Variants in PHF20L1 observed in about 807,000 individuals in gnomAD.
PHF20L1 encodes PHD finger protein 20-like protein 1.
Under a neutral mutation model 125.5 loss-of-function variants are expected in PHF20L1, and 44 were observed. The ratio of observed to expected loss-of-function variants is 0.35; its 90% confidence interval spans 0.28 to 0.45. The LOEUF (loss-of-function observed/expected upper bound fraction) is 0.45, where lower values mean the gene tolerates loss of function less well. Among genes scored for constraint, PHF20L1 ranks in the 20% least tolerant of loss-of-function variants. PHF20L1 has a pLI of 1.00. For missense variants in PHF20L1, 1,012 were observed against 1,217.2 expected, an observed-to-expected ratio of 0.83 and a Z score of 2.51; for synonymous variants, 380 against 403.1, an observed-to-expected ratio of 0.94 and a Z score of 0.69.
chr8:132,843,456 C>G, intron 19 of PHF20L1: 1 of 978,844 alleles, frequency 1.0e-6, no homozygotes, highest in Non-Finnish European at 1.2e-6. Context: ...TGTTTTTTTT[C>G]TGCATTCCTT....
chr8:132,817,273 C>A, intron 11 of PHF20L1, 66 bp from the exon 12 acceptor site: 1 of 1,319,028 alleles, frequency 7.6e-7, no homozygotes, highest in Non-Finnish European at 1.1e-6. Flanking sequence ...CACTTTAATT[C>A]ACAGTGATAG....
rs1838064412 is a variant in PHF20L1, at chr8:132,842,794, T to C, written c.2667T>C (p.Ser889=). 6.2e-7 allele frequency: 1 copy of C among 1,612,990 alleles called. No individual in the cohort carries two copies. Among genetic ancestry groups the C allele is most frequent in the African/African-American group, 1.3e-5 (1 of 74,824 alleles). The change falls in exon 19 of 21, where the codon AGT becomes AGC. Residue 889 remains serine, a synonymous_variant. Coordinates refer to ENST00000395386, the MANE Select transcript of PHF20L1 (RefSeq NM_016018.5). Reference sequence around the variant, plus strand: ...GCTCAGATGATGATGATGTTAGTAGTTTGGAAGAAGAACAAGAATTCCACA... The same window carrying C: ...GCTCAGATGATGATGATGTTAGTAGCTTGGAAGAAGAACAAGAATTCCACA... The part of the protein sequence containing the change: ...PGSSDDDDVS[S]LEEEQEFHMR...
At chr8:132,817,572 A>G (rs777545703) in intron 12 of PHF20L1, 27 bp downstream of exon 12, 28 of 1,468,658 alleles carry the variant, frequency 1.9e-5, no homozygotes, top group African/African-American at 2.8e-5. Flanking sequence ...AAAGGCTCCT[A>G]TAAGTAGATA....
intron 15 of PHF20L1, among the ~76,000 whole-genome samples, chr8:132,835,665 G>A (rs551683414): frequency 9.1e-4 from 138 of 152,184 alleles, no homozygotes; most frequent in African/African-American, 3.1e-3. Flanking sequence ...TTACCAAGAC[G>A]AAATTAATAC....
chr8:132,842,958 C>G (rs1838079432), intron 19 of PHF20L1, 83 bp downstream of exon 19: 1 of 1,471,870 alleles, frequency 6.8e-7, no homozygotes, highest in Non-Finnish European at 9.1e-7. Flanking sequence ...ATACTGAATT[C>G]CCAGATTTTA....
chr8:132,848,642 T>C lies in PHF20L1; in HGVS notation c.*2719T>C, dbSNP rs1385626961. 1 of 152,414 alleles carries C rather than the reference T, an allele frequency of 6.6e-6. No individual in the cohort carries two copies. The highest frequency in any genetic ancestry group is 1.5e-5 in the Non-Finnish European group (1 of 67,918). The allele number at this position is 152,414 out of a possible 1,614,324, so 9.4% of individuals were successfully genotyped here. A position where few individuals can be genotyped will look rare whatever the true frequency, so the allele number is the denominator to read the frequency against. ...ACTGACTTATTTCCAAACTTAAGAG[T>C]AATGTACTTCGAAAACAACTTGGTT... On this transcript the variant is annotated 3_prime_UTR_variant, in exon 21 of 21. Transcript: ENST00000395386.
chr8:132,844,242 C>T lies in PHF20L1; in HGVS notation c.2835C>T (p.Leu945=). Residue 945 remains leucine (L), a synonymous_variant, in exon 20 of 21, where the codon CTC becomes CTT. Transcript: ENST00000395386. ...GAGACTCACATCTTCAGTGGCAGCT[C>T]AATCTCCTTACACACATAGAAAATG... The part of the protein sequence containing the change: ...DPGDSHLQWQ[L]NLLTHIENVQ... The T allele has an allele frequency of 6.2e-7, 1 of 1,612,824 alleles. No individual in the cohort carries two copies. The highest frequency in any genetic ancestry group is 8.5e-7 in the Non-Finnish European group (1 of 1,179,084).
intron 2 of PHF20L1, among the ~76,000 whole-genome samples, chr8:132,783,175 C>A (rs558519814): frequency 1.3e-5 from 2 of 152,132 alleles, no homozygotes; most frequent in South Asian, 4.1e-4. Flanking sequence ...GAGATATGCT[C>A]CTCTGACTCT....
At chr8:132,836,427 C>A in intron 15 of PHF20L1, 113 bp from the exon 16 acceptor site, 1 of 675,436 alleles carries the variant, frequency 1.5e-6, no homozygotes, top group East Asian at 2.7e-5. Context: ...TGTTTGCTCC[C>A]CCTTTTTAAA....
chr8:132,829,122 C>T (rs189705618), intron 14 of PHF20L1, among the ~76,000 whole-genome samples: 24 of 152,006 alleles, frequency 1.6e-4, no homozygotes, highest in African/African-American at 4.8e-4. Flanking sequence ...AGACAGGGTG[C>T]GGAATGCCAA....
chr8:132,804,593 A>G lies in PHF20L1; in HGVS notation c.722-22A>G, dbSNP rs748729501. 3.4e-5 allele frequency: 54 copies of G among 1,578,594 alleles called. No homozygotes were observed. The Admixed American group carries it at 3.5e-4, about 10-fold the overall frequency. On this transcript the variant is annotated intron_variant, in intron 7 of 20. Transcript: ENST00000395386. Reference sequence around the variant, plus strand: ...ATTTGGATTCTAGATAAACTCTCATATATGTGTTCTGTTGAAAGTAGGACT... The same window carrying G: ...ATTTGGATTCTAGATAAACTCTCATGTATGTGTTCTGTTGAAAGTAGGACT...
At chr8:132,842,458 C>T (rs1838027156) in intron 18 of PHF20L1, 57 bp from the exon 19 acceptor site, 3 of 1,455,970 alleles carry the variant, frequency 2.1e-6, no homozygotes, top group Admixed American at 2.3e-5. Context: ...TTGTATTCAG[C>T]TTGTTAATAG....
At chr8:132,802,260 G>A (rs142997905) in intron 6 of PHF20L1, among the ~76,000 whole-genome samples, 41 of 150,222 alleles carry the variant, frequency 2.7e-4, no homozygotes, top group African/African-American at 1.0e-3. Flanking sequence ...ACCTTTCATC[G>A]CTCTTTCACT....
intron 2 of PHF20L1, among the ~76,000 whole-genome samples, chr8:132,787,431 C>T (rs1443679676): frequency 6.6e-6 from 1 of 152,040 alleles, no homozygotes; most frequent in South Asian, 2.1e-4. Context: ...ACTGTCAGCT[C>T]ATGCCAGATG....
At chr8:132,797,314 G>A (rs1266155688) in intron 4 of PHF20L1, among the ~76,000 whole-genome samples, 1 of 151,960 alleles carries the variant, frequency 6.6e-6, no homozygotes, top group Admixed American at 6.6e-5. Context: ...GAACATTTAG[G>A]CATTTGTAAT....
At chr8:132,843,931 G>T in intron 19 of PHF20L1, 4 of 985,168 alleles carry the variant, frequency 4.1e-6, no homozygotes, top group Non-Finnish European at 4.8e-6. Flanking sequence ...TCTTGCCTGT[G>T]TAGCACCATG....
At chr8:132,783,922 A>C (rs1324224858) in intron 2 of PHF20L1, among the ~76,000 whole-genome samples, 5 of 152,212 alleles carry the variant, frequency 3.3e-5, no homozygotes, top group Admixed American at 6.5e-5. Flanking sequence ...TTGTTTAAAA[A>C]TTCTGAGATA....
chr8:132,799,260 T>C (rs1832763854), intron 6 of PHF20L1, 88 bp downstream of exon 6: 6 of 698,690 alleles, frequency 8.6e-6, no homozygotes, highest in Non-Finnish European at 1.4e-5. Flanking sequence ...TATAAAAATT[T>C]ACATTGAGTT....
At chr8:132,844,570 A>G in intron 20 of PHF20L1, among the ~76,000 whole-genome samples, 1 of 152,126 alleles carries the variant, frequency 6.6e-6, no homozygotes, top group East Asian at 1.9e-4. Context: ...TCTATTTGCC[A>G]GGCTCCAGAT....
Sources: gnomAD v4.1 joint callset for allele counts (sites outside exome capture counted in the v4.1 genomes callset) on GRCh38, gnomAD v4.1.1 for gene constraint, MANE v1.5 for transcripts, NCBI Gene and HGNC (gene_info 2026-07-23, HGNC 2026-07-21) for gene names.